Variants in GRN observed in about 807,000 individuals in gnomAD.
GRN encodes the protein progranulin.
In GRN, 30 loss-of-function variants were observed where a neutral mutation model predicts 66.7. The ratio of observed to expected loss-of-function variants is 0.45; its 90% CI spans 0.34 to 0.61. The LOEUF (loss-of-function observed/expected upper bound fraction) is 0.61, where lower values mean the gene tolerates loss of function less well. GRN is among the 20% of genes least tolerant of loss of function. The pLI is 0.01. For synonymous variants in GRN, 327 were observed against 311.1 expected (o/e 1.05, Z -0.54); for missense variants, 731 against 803.5 (o/e 0.91, Z 1.09).
At position 44,351,021 on chromosome 17, in the gene GRN, C is replaced by T. The variant is rs747593674; in HGVS notation, c.709-16C>T. On this transcript the variant is annotated splice_polypyrimidine_tract_variant and intron_variant, in intron 7 of 12. Transcript: ENST00000053867. Reference sequence around the variant, plus strand: ...GAGCCTGGAAGTGACAAAGACCCACCCCTGTCCCCACTCAGGCCACCTGCT... The same window carrying T: ...GAGCCTGGAAGTGACAAAGACCCACTCCTGTCCCCACTCAGGCCACCTGCT... The T allele has an allele frequency of 6.2e-7, 1 of 1,612,700 alleles. No homozygotes were observed. Among genetic ancestry groups the T allele is most frequent in the Non-Finnish European group, 8.5e-7 (1 of 1,179,806 alleles).
In GRN at chr17:44,351,449, C is replaced by T; in HGVS notation, c.922C>T (p.Pro308Ser). Reference sequence around the variant, plus strand: ...ACAGTCGGGGGCCTGGGGCTGCTGCCCTTTTACCCAGGTACCCAGGGGTGG... The same window carrying T: ...ACAGTCGGGGGCCTGGGGCTGCTGCTCTTTTACCCAGGTACCCAGGGGTGG... Reference protein sequence around the residue: ...RLQSGAWGCCPFTQAVCCEDH... With the variant: ...RLQSGAWGCCSFTQAVCCEDH... Residue 308 changes from proline (P) to serine (S), a missense_variant, in exon 9 of 13, where the codon CCT becomes TCT. By Grantham distance (74) the Pro-to-Ser change is moderately conservative. Transcript: ENST00000053867. 6.2e-7 allele frequency: 1 copy of T among 1,613,216 alleles called. No homozygotes were observed. The highest frequency in any genetic ancestry group is 8.5e-7 in the Non-Finnish European group (1 of 1,179,258).
rs1162722716 is a variant in GRN, at chr17:44,349,428, C to T, written c.141C>T (p.Asp47=). 1.2e-6 allele frequency: 2 copies of T among 1,614,220 alleles called. No individual in the cohort carries two copies. Among genetic ancestry groups the T allele is most frequent in the East Asian group, 2.2e-5 (1 of 44,888 alleles). The change falls in exon 3 of 13, where the codon GAC becomes GAT. Residue 47 remains aspartate (D), a splice_region_variant and synonymous_variant. Coordinates refer to ENST00000053867, the MANE Select transcript of GRN (RefSeq NM_002087.4). ...ASYSCCRPLL[D]KWPTTLSRHL... Reference sequence around the variant, plus strand: ...TATCATTTTCCCTGTCTTTCTAGGACAAATGGCCCACAACACTGAGCAGGC... The same window carrying T: ...TATCATTTTCCCTGTCTTTCTAGGATAAATGGCCCACAACACTGAGCAGGC...
At chr17:44,346,414 C>T (rs1385555162) in intron 1 of GRN, among the ~76,000 whole-genome samples, 2 of 152,172 alleles carry the variant, frequency 1.3e-5, no homozygotes, top group East Asian at 3.9e-4. Context: ...TGCCCCTCCC[C>T]CCGCAGTGGT....
At position 44,351,759 on chromosome 17, in the gene GRN, C is replaced by T; in HGVS notation, c.1143C>T (p.Leu381=). 1 of 1,613,500 alleles carries T rather than the reference C, an allele frequency of 6.2e-7. No individual in the cohort carries two copies. Among genetic ancestry groups the T allele is most frequent in the Admixed American group, 1.7e-5 (1 of 60,012 alleles). ...SCPSSDTCCQ[L]TSGEWGCCPI... ...CCTCCTCCGATACCTGCTGCCAACT[C>T]ACGTCTGGGGAGTGGGGCTGCTGTC... The change falls in exon 10 of 13, where the codon CTC becomes CTT. Residue 381 remains leucine (L), a synonymous_variant. Transcript: ENST00000053867.
chr17:44,348,212 TACCTCTCTGGCC>T (rs1401275123), intron 1 of GRN, among the ~76,000 whole-genome samples: 1 of 152,228 alleles, frequency 6.6e-6, no homozygotes, highest in African/African-American at 2.4e-5. Flanking sequence ...CATTATGAGT[TACCTCTCTGGCC>T]ACCCCACTGA....
Position 44,351,610 on chromosome 17 carries a change from A to G in GRN, c.994A>G (p.Lys332Glu). 2.5e-6 allele frequency: 4 copies of G among 1,613,982 alleles called. No homozygotes were observed. The highest frequency in any genetic ancestry group is 3.4e-6 in the Non-Finnish European group (4 of 1,179,912). ...CGCGGGGTTTACGTGTGACACGCAG[A>G]AGGGTACCTGTGAACAGGGGCCCCA... ...CPAGFTCDTQ[K>E]GTCEQGPHQV... The change falls in exon 10 of 13, where the codon AAG (lysine) becomes GAG (glutamate). Residue 332 changes from lysine (K) to glutamate (E), a missense_variant. Coordinates refer to ENST00000053867, the MANE Select transcript of GRN (RefSeq NM_002087.4).
Position 44,349,285 on chromosome 17 carries a change from T to A in GRN, c.121T>A (p.Cys41Ser), listed in dbSNP as rs1190219145. 6.2e-7 allele frequency: 1 copy of A among 1,613,964 alleles called. No individual in the cohort carries two copies. The highest frequency in any genetic ancestry group is 1.7e-5 in the Admixed American group (1 of 60,032). ...CLDPGGASYS[C>S]CRPLLDKWPT... ...GGACCCCGGAGGAGCCAGCTACAGC[T>A]GCTGCCGTCCCCTTCTGGTGAGTGC... is the stretch of plus-strand genomic sequence containing the variant. The change falls in exon 2 of 13, where the codon TGC becomes AGC. Residue 41 changes from cysteine (C) to serine (S), a missense_variant. Transcript: ENST00000053867.
At chr17:44,352,281 G>A (rs769892867) in intron 11 of GRN, 33 bp downstream of exon 11, 7 of 1,600,334 alleles carry the variant, frequency 4.4e-6, no homozygotes, top group African/African-American at 2.7e-5. Context: ...CTGGATAGGG[G>A]AGCTAAGCCC....
chr17:44,352,596 G>A (rs1321049194), intron 12 of GRN, 25 bp downstream of exon 12: 3 of 1,611,988 alleles, frequency 1.9e-6, no homozygotes. Context: ...CCATCCTGGG[G>A]CTGGGTATGG....
rs764647216 is a variant in GRN at position 44,352,006 on chromosome 17, A to G, written c.1180-9A>G. ...CTACCTACAACGCCCTTTCCTGCCC[A>G]CCCCCCAGGCTGTCTGCTGCTCGGA... On this transcript the variant is annotated splice_polypyrimidine_tract_variant and intron_variant, in intron 10 of 12. Transcript: ENST00000053867. The G allele has an allele frequency of 1.2e-6, 2 of 1,607,582 alleles. No individual in the cohort carries two copies. Among genetic ancestry groups the G allele is most frequent in the Middle Eastern group, 1.7e-4 (1 of 5,822 alleles).
At chr17:44,350,036 C>A in intron 4 of GRN, 192 bp from the exon 5 acceptor site, 1 of 670,834 alleles carries the variant, frequency 1.5e-6, no homozygotes, top group South Asian at 1.6e-5. Context: ...CTTCCCCATG[C>A]CATCTTGCTG....
At chr17:44,348,390 A>T (rs1333031766) in intron 1 of GRN, among the ~76,000 whole-genome samples, 1 of 152,174 alleles carries the variant, frequency 6.6e-6, no homozygotes, top group Non-Finnish European at 1.5e-5. Flanking sequence ...TTTCACTTCC[A>T]GAATAGATGG....
chr17:44,349,262 A>T lies in GRN; in HGVS notation c.98A>T (p.Asp33Val). The stretch of plus-strand genomic sequence containing the variant: ...TTCTGCCCTGTGGCCTGCTGCCTGG[A>T]CCCCGGAGGAGCCAGCTACAGCTGC... ...GQFCPVACCLDPGGASYSCCR... is the reference protein window; with the variant it reads ...GQFCPVACCLVPGGASYSCCR... The change falls in exon 2 of 13, where the codon GAC (aspartate) becomes GTC (valine). Residue 33 changes from aspartate (D) to valine (V), a missense_variant. Asp to Val is a radical substitution (Grantham distance 152). Transcript: ENST00000053867. 1 of 1,613,926 alleles carries T rather than the reference A, an allele frequency of 6.2e-7. No individual in the cohort carries two copies. The highest frequency in any genetic ancestry group is 8.5e-7 in the Non-Finnish European group (1 of 1,180,024).
intron 2 of GRN, 30 bp from the exon 3 acceptor site, chr17:44,349,396 T>G (rs764836195): frequency 1.9e-6 from 3 of 1,614,208 alleles, no homozygotes; most frequent in South Asian, 2.2e-5. Context: ...GGCACAAGTC[T>G]GTGGTTTATC....
intron 8 of GRN, 79 bp from the exon 9 acceptor site, chr17:44,351,284 C>T: frequency 1.3e-6 from 2 of 1,517,216 alleles, no homozygotes; most frequent in East Asian, 2.3e-5. Context: ...CTGGTTCCAG[C>T]TGTGGAGCCG....
rs746249340 is a variant in GRN at position 44,351,995 on chromosome 17, C to T, written c.1180-20C>T. The T allele has an allele frequency of 6.3e-7, 1 of 1,599,870 alleles. No individual in the cohort carries two copies. Among genetic ancestry groups the T allele is most frequent in the East Asian group, 2.2e-5 (1 of 44,792 alleles). Reference sequence around the variant, plus strand: ...CCACATAGTGGCTACCTACAACGCCCTTTCCTGCCCACCCCCCAGGCTGTC... The same window carrying T: ...CCACATAGTGGCTACCTACAACGCCTTTTCCTGCCCACCCCCCAGGCTGTC... On this transcript the variant is annotated intron_variant, in intron 10 of 12. Coordinates refer to ENST00000053867, the MANE Select transcript of GRN (RefSeq NM_002087.4).
At position 44,350,489 on chromosome 17, in the gene GRN, C is replaced by T; in HGVS notation, c.510C>T (p.Phe170=). 6.2e-7 allele frequency: 1 copy of T among 1,614,010 alleles called. No individual in the cohort carries two copies. ...DRVHCCPHGA[F]CDLVHTRCIT... is the part of the protein sequence containing the mutation. The stretch of plus-strand genomic sequence containing the variant: ...TGCACTGCTGTCCGCACGGTGCCTT[C>T]TGCGACCTGGTTCACACCCGCTGCA... Residue 170 remains phenylalanine, a synonymous_variant, in exon 6 of 13, where the codon TTC becomes TTT. Coordinates refer to ENST00000053867, the MANE Select transcript of GRN (RefSeq NM_002087.4).
At chr17:44,346,842 G>A (rs929591095) in intron 1 of GRN, among the ~76,000 whole-genome samples, 13 of 152,184 alleles carry the variant, frequency 8.5e-5, no homozygotes, top group Admixed American at 7.2e-4. Flanking sequence ...TCGGCTGGGC[G>A]TGGTGGCTCA....
At position 44,352,025 on chromosome 17, in the gene GRN, G is replaced by A; in HGVS notation, c.1190G>A (p.Cys397Tyr). ...CTGCCCACCCCCCAGGCTGTCTGCTGCTCGGACCACCAGCACTGCTGCCCC... is the reference window on the plus strand; with the variant it reads ...CTGCCCACCCCCCAGGCTGTCTGCTACTCGGACCACCAGCACTGCTGCCCC... ...GCCPIPEAVC[C>Y]SDHQHCCPQG... Residue 397 changes from cysteine to tyrosine, a missense_variant, in exon 11 of 13, where the codon TGC becomes TAC. By Grantham distance (194) the Cys-to-Tyr change is radical. Transcript: ENST00000053867. 1.2e-6 allele frequency: 2 copies of A among 1,612,942 alleles called. No homozygotes were observed. Among genetic ancestry groups the A allele is most frequent in the Non-Finnish European group, 8.5e-7 (1 of 1,179,692 alleles).
Sources: gnomAD v4.1 joint callset for allele counts (sites outside exome capture counted in the v4.1 genomes callset) on GRCh38, gnomAD v4.1.1 for gene constraint, MANE v1.5 for transcripts, NCBI Gene and HGNC (gene_info 2026-07-23, HGNC 2026-07-21) for gene names.